P2RY1: variants seen among roughly 807,000 people sequenced by gnomAD.
The protein encoded by P2RY1 is purinergic receptor P2Y1, also known as P2Y purinoceptor 1.
A neutral mutation model predicts 22.8 loss-of-function variants in P2RY1; 14 were observed. The ratio of observed to expected loss-of-function variants is 0.61; its 90% CI spans 0.41 to 0.96. The LOEUF (loss-of-function observed/expected upper bound fraction) is 0.96, where lower values mean the gene tolerates loss of function less well. P2RY1 is among the 40% of genes least tolerant of loss of function. P2RY1 has a pLI of 0.00. For missense variants in P2RY1, 395 were observed against 470.3 expected, an observed-to-expected ratio of 0.84 and a Z score of 1.48; for synonymous variants, 200 against 195.1, an observed-to-expected ratio of 1.03 and a Z score of -0.21.
Position 152,835,425 on chromosome 3 carries a change from C to G in P2RY1, c.-358C>G, listed in dbSNP as rs964409771. ...AGTTTCCCTTGACCTCGCTGCGCCT[C>G]TGGCGCGCTCTGCAGCGCGGACCCG... On this transcript the variant is annotated 5_prime_UTR_variant, in exon 1 of 1. Coordinates refer to ENST00000305097, the MANE Select transcript of P2RY1 (RefSeq NM_002563.5). The G allele has an allele frequency of 6.6e-5, 19 of 289,206 alleles. No homozygotes were observed. Among genetic ancestry groups the G allele is most frequent in the Admixed American group, 3.5e-4 (7 of 20,078 alleles). 17.9% of individuals were successfully genotyped at this position (289,206 alleles called of 1,614,324 possible). A position where few individuals can be genotyped will look rare whatever the true frequency, so the allele number is the denominator to read the frequency against.
Position 152,836,493 on chromosome 3 carries a change from C to T in P2RY1, c.711C>T (p.Tyr237=), listed in dbSNP as rs748490359. ...CVPLVLILGC[Y]GLIVRALIYK... ...CCTTGGTGCTGATTCTGGGCTGTTACGGATTAATTGTGAGAGCTTTGATTT... is the reference window on the plus strand; with the variant it reads ...CCTTGGTGCTGATTCTGGGCTGTTATGGATTAATTGTGAGAGCTTTGATTT... The change falls in exon 1 of 1, where the codon TAC becomes TAT. Residue 237 remains tyrosine, a synonymous_variant. Coordinates refer to ENST00000305097, the MANE Select transcript of P2RY1 (RefSeq NM_002563.5). This position sits in a 1 kb window ranked among gnomAD's most constrained non-coding sequence, Gnocchi z 5.6. The T allele has an allele frequency of 5.6e-6, 9 of 1,614,070 alleles. No homozygotes were observed. Among genetic ancestry groups the T allele is most frequent in the African/African-American group, 5.3e-5 (4 of 74,920 alleles).
chr3:152,840,107 C>T lies in P2RY1; in HGVS notation c.*3203C>T, dbSNP rs919869390. On this transcript the variant is annotated 3_prime_UTR_variant, in exon 1 of 1. Coordinates refer to ENST00000305097, the MANE Select transcript of P2RY1 (RefSeq NM_002563.5). Reference sequence around the variant, plus strand: ...GACTGAAAAACTTTCATGAAAGATCCAACATACTAATGTAAATTATATTTA... The same window carrying T: ...GACTGAAAAACTTTCATGAAAGATCTAACATACTAATGTAAATTATATTTA... 6 of 152,170 alleles carry T rather than the reference C, an allele frequency of 3.9e-5. No individual in the cohort carries two copies. In the East Asian group the frequency reaches 1.2e-3, roughly 29 times the overall value. The allele number at this position is 152,170 out of a possible 1,614,324, so 9.4% of individuals were successfully genotyped here.
Position 152,835,584 on chromosome 3 carries a change from G to C in P2RY1, c.-199G>C, listed in dbSNP as rs1171329500. 1 of 570,328 alleles carries C rather than the reference G, an allele frequency of 1.8e-6. No homozygotes were observed. The highest frequency in any genetic ancestry group is 2.0e-5 in the African/African-American group (1 of 50,238). 35.3% of individuals were successfully genotyped at this position (570,328 alleles called of 1,614,324 possible). A position where few individuals can be genotyped will look rare whatever the true frequency, so the allele number is the denominator to read the frequency against. The stretch of plus-strand genomic sequence containing the variant: ...ATAGCCCAGTTCGGTGGCGGCCCGG[G>C]GCGGATTTCATGGCCCGCGGCGAAC... On this transcript the variant is annotated 5_prime_UTR_variant, in exon 1 of 1. Transcript: ENST00000305097.
chr3:152,841,036 G>A lies in P2RY1; in HGVS notation c.*4132G>A, dbSNP rs1238684869. 6.6e-6 allele frequency: 1 copy of A among 151,982 alleles called. No individual in the cohort carries two copies. The highest frequency in any genetic ancestry group is 6.6e-5 in the Admixed American group (1 of 15,248). The allele number at this position is 151,982 out of a possible 1,614,324, so 9.4% of individuals were successfully genotyped here. Reference sequence around the variant, plus strand: ...AAATGTTTATTTTTATATTATCTGTGATTTTAATATAGATGATTGAACTAG... The same window carrying A: ...AAATGTTTATTTTTATATTATCTGTAATTTTAATATAGATGATTGAACTAG... On this transcript the variant is annotated 3_prime_UTR_variant, in exon 1 of 1. Coordinates refer to ENST00000305097, the MANE Select transcript of P2RY1 (RefSeq NM_002563.5).
At position 152,840,407 on chromosome 3, in the gene P2RY1, A is replaced by G. The variant is rs1467349851; in HGVS notation, c.*3503A>G. 6.6e-6 allele frequency: 1 copy of G among 152,194 alleles called. No homozygotes were observed. Among genetic ancestry groups the G allele is most frequent in the Non-Finnish European group, 1.5e-5 (1 of 68,024 alleles). The allele number at this position is 152,194 out of a possible 1,614,324, so 9.4% of individuals were successfully genotyped here. ...CTATCATAAGATCGATAGTGAATAT[A>G]AAATATCTTAGCCAAATGGGGTCTG... is the stretch of plus-strand genomic sequence containing the variant. On this transcript the variant is annotated 3_prime_UTR_variant, in exon 1 of 1. Transcript: ENST00000305097.
chr3:152,836,495 G>T lies in P2RY1; in HGVS notation c.713G>T (p.Gly238Val). ...VPLVLILGCYGLIVRALIYKD... is the reference protein window; with the variant it reads ...VPLVLILGCYVLIVRALIYKD... Reference sequence around the variant, plus strand: ...TTGGTGCTGATTCTGGGCTGTTACGGATTAATTGTGAGAGCTTTGATTTAC... The same window carrying T: ...TTGGTGCTGATTCTGGGCTGTTACGTATTAATTGTGAGAGCTTTGATTTAC... The change falls in exon 1 of 1, where the codon GGA becomes GTA. Residue 238 changes from glycine to valine, a missense_variant. Coordinates refer to ENST00000305097, the MANE Select transcript of P2RY1 (RefSeq NM_002563.5). The surrounding 1 kb of genome is among the most constrained non-coding windows in gnomAD (Gnocchi z 5.6). 2.5e-6 allele frequency: 4 copies of T among 1,614,188 alleles called. No individual in the cohort carries two copies. The highest frequency in any genetic ancestry group is 3.4e-6 in the Non-Finnish European group (4 of 1,180,026).
rs922858202 is a variant in P2RY1, at chr3:152,835,434, T to C, written c.-349T>C. 5 of 303,584 alleles carry C rather than the reference T, an allele frequency of 1.6e-5. No homozygotes were observed. The highest frequency in any genetic ancestry group is 2.4e-5 in the Non-Finnish European group (4 of 164,710). The allele number at this position is 303,584 out of a possible 1,614,324, so 18.8% of individuals were successfully genotyped here. A position where few individuals can be genotyped will look rare whatever the true frequency, so the allele number is the denominator to read the frequency against. ...TGACCTCGCTGCGCCTCTGGCGCGCTCTGCAGCGCGGACCCGCGGCCCCTC... is the reference window on the plus strand; with the variant it reads ...TGACCTCGCTGCGCCTCTGGCGCGCCCTGCAGCGCGGACCCGCGGCCCCTC... On this transcript the variant is annotated 5_prime_UTR_variant, in exon 1 of 1. Transcript: ENST00000305097.
At position 152,835,874 on chromosome 3, in the gene P2RY1, C is replaced by T; in HGVS notation, c.92C>T (p.Ala31Val). ...PGSSWGNSTV[A>V]STAAVSSSFK... ...TCGTCCTGGGGGAACAGCACGGTCG[C>T]CTCCACTGCCGCCGTCTCCTCGTCG... Residue 31 changes from alanine (A) to valine (V), a missense_variant, in exon 1 of 1, where the codon GCC (alanine) becomes GTC (valine). This residue lies in a region of P2RY1 where 98 missense variants were observed against 87.7 expected (regional missense o/e 1.12). Transcript: ENST00000305097. 6.2e-7 allele frequency: 1 copy of T among 1,613,856 alleles called. No individual in the cohort carries two copies. Among genetic ancestry groups the T allele is most frequent in the South Asian group, 1.1e-5 (1 of 91,066 alleles).
Position 152,836,112 on chromosome 3 carries a change from C to G in P2RY1, c.330C>G (p.Tyr110Ter). Reference sequence around the variant, plus strand: ...TGACTCTGCCAGCCCTGATCTTCTACTACTTCAATAAAACAGACTGGATCT... The same window carrying G: ...TGACTCTGCCAGCCCTGATCTTCTAGTACTTCAATAAAACAGACTGGATCT... ...YVLTLPALIF[Y>*]YFNKTDWIFG... is the part of the protein sequence containing the mutation. Residue 110 changes from tyrosine (Y) to a stop codon, truncating the protein, a stop_gained, in exon 1 of 1, where the codon TAC becomes TAG. Transcript: ENST00000305097. LOFTEE classifies it high-confidence loss of function. The surrounding 1 kb of genome is among the most constrained non-coding windows in gnomAD (Gnocchi z 5.6). The G allele has an allele frequency of 6.2e-7, 1 of 1,614,178 alleles. No individual in the cohort carries two copies. The highest frequency in any genetic ancestry group is 2.2e-5 in the East Asian group (1 of 44,882).
Position 152,836,305 on chromosome 3 carries a change from G to C in P2RY1, c.523G>C (p.Val175Leu). 6.2e-7 allele frequency: 1 copy of C among 1,614,138 alleles called. No homozygotes were observed. The highest frequency in any genetic ancestry group is 8.5e-7 in the Non-Finnish European group (1 of 1,180,040). ...KKNAICISVL[V>L]WLIVVVAISP... ...GAATGCGATCTGTATCAGCGTGCTG[G>C]TGTGGCTCATTGTGGTGGTGGCGAT... Residue 175 changes from valine (V) to leucine (L), a missense_variant, in exon 1 of 1, where the codon GTG becomes CTG. This residue lies in a region of P2RY1 where 291 missense variants were observed against 361.6 expected (regional missense o/e 0.80). Coordinates refer to ENST00000305097, the MANE Select transcript of P2RY1 (RefSeq NM_002563.5). The surrounding 1 kb of genome is among the most constrained non-coding windows in gnomAD (Gnocchi z 5.6).
At position 152,836,955 on chromosome 3, in the gene P2RY1, A is replaced by G; in HGVS notation, c.*51A>G. ...TCTGTTGTAATATGGTAGGATGCTT[A>G]ACAGAATCAAGTACTTTTCCCCTCT... On this transcript the variant is annotated 3_prime_UTR_variant, in exon 1 of 1. Coordinates refer to ENST00000305097, the MANE Select transcript of P2RY1 (RefSeq NM_002563.5). This position sits in a 1 kb window ranked among gnomAD's most constrained non-coding sequence, Gnocchi z 5.6. 1 of 1,397,932 alleles carries G rather than the reference A, an allele frequency of 7.2e-7. No individual in the cohort carries two copies. Among genetic ancestry groups the G allele is most frequent in the Non-Finnish European group, 9.8e-7 (1 of 1,022,324 alleles). 86.6% of individuals were successfully genotyped at this position (1,397,932 alleles called of 1,614,324 possible). A position where few individuals can be genotyped will look rare whatever the true frequency, so the allele number is the denominator to read the frequency against.
In P2RY1 at chr3:152,839,836, C is replaced by T. The variant is rs187386914; in HGVS notation, c.*2932C>T. On this transcript the variant is annotated 3_prime_UTR_variant, in exon 1 of 1. Transcript: ENST00000305097. ...CATTCCACTCCTTGGCTAAAAAAAT[C>T]TTGGAAGTTTCACAGATTATGATGT... is the stretch of plus-strand genomic sequence containing the variant. 1 of 152,096 alleles carries T rather than the reference C, an allele frequency of 6.6e-6. No individual in the cohort carries two copies. The highest frequency in any genetic ancestry group is 2.4e-5 in the African/African-American group (1 of 41,408). 9.4% of individuals were successfully genotyped at this position (152,096 alleles called of 1,614,324 possible).
chr3:152,836,477 T>A lies in P2RY1; in HGVS notation c.695T>A (p.Leu232Gln). ...GCCATGTTCTGTGTCCCCTTGGTGC[T>A]GATTCTGGGCTGTTACGGATTAATT... ...TVAMFCVPLVLILGCYGLIVR... is the reference protein window; with the variant it reads ...TVAMFCVPLVQILGCYGLIVR... The change falls in exon 1 of 1, where the codon CTG becomes CAG. Residue 232 changes from leucine (L) to glutamine (Q), a missense_variant. This residue lies in a region of P2RY1 where 291 missense variants were observed against 361.6 expected (regional missense o/e 0.80). Transcript: ENST00000305097. This position sits in a 1 kb window ranked among gnomAD's most constrained non-coding sequence, Gnocchi z 5.6. 2 of 1,614,224 alleles carry A rather than the reference T, an allele frequency of 1.2e-6. No homozygotes were observed. The highest frequency in any genetic ancestry group is 1.7e-6 in the Non-Finnish European group (2 of 1,180,044).
Position 152,836,964 on chromosome 3 carries a change from A to G in P2RY1, c.*60A>G. Reference sequence around the variant, plus strand: ...ATATGGTAGGATGCTTAACAGAATCAAGTACTTTTCCCCTCTTTAACTTTC... The same window carrying G: ...ATATGGTAGGATGCTTAACAGAATCGAGTACTTTTCCCCTCTTTAACTTTC... On this transcript the variant is annotated 3_prime_UTR_variant, in exon 1 of 1. Transcript: ENST00000305097. The surrounding 1 kb of genome is among the most constrained non-coding windows in gnomAD (Gnocchi z 5.6). The G allele has an allele frequency of 6.7e-6, 9 of 1,338,008 alleles. No homozygotes were observed. In the South Asian group the frequency reaches 1.1e-4, roughly 17 times the overall value. 82.9% of individuals were successfully genotyped at this position (1,338,008 alleles called of 1,614,324 possible). A position where few individuals can be genotyped will look rare whatever the true frequency, so the allele number is the denominator to read the frequency against.
chr3:152,835,207 A>G lies in P2RY1; in HGVS notation c.-576A>G, dbSNP rs1052571957. On this transcript the variant is annotated 5_prime_UTR_variant, in exon 1 of 1. Coordinates refer to ENST00000305097, the MANE Select transcript of P2RY1 (RefSeq NM_002563.5). ...CGAACGGGACGCGCTGCAGAAGCGC[A>G]CGAGTCTGCGGCCACGCGCGCTCCG... is the stretch of plus-strand genomic sequence containing the variant. 6.5e-6 allele frequency: 1 copy of G among 152,870 alleles called. No individual in the cohort carries two copies. Among genetic ancestry groups the G allele is most frequent in the Non-Finnish European group, 1.5e-5 (1 of 68,604 alleles). The allele number at this position is 152,870 out of a possible 1,614,324, so 9.5% of individuals were successfully genotyped here.
In P2RY1 at chr3:152,835,866, C is replaced by G. The variant is rs749790489; in HGVS notation, c.84C>G (p.Ser28Arg). The change falls in exon 1 of 1, where the codon AGC becomes AGG. Residue 28 changes from serine (S) to arginine (R), a missense_variant. Physicochemically the swap from Ser to Arg is moderately radical, Grantham distance 110. Around this residue, in one of 3 missense-constraint regions of P2RY1, gnomAD observed 98 missense variants for 87.7 expected, o/e 1.12. Transcript: ENST00000305097. ...GTCCGGGTTCGTCCTGGGGGAACAG[C>G]ACGGTCGCCTCCACTGCCGCCGTCT... ...LAGPGSSWGN[S>R]TVASTAAVSS... 1 of 1,613,622 alleles carries G rather than the reference C, an allele frequency of 6.2e-7. No homozygotes were observed. Among genetic ancestry groups the G allele is most frequent in the Middle Eastern group, 1.7e-4 (1 of 5,806 alleles).
Position 152,839,980 on chromosome 3 carries a change from T to G in P2RY1, c.*3076T>G, listed in dbSNP as rs1426982343. 6.6e-6 allele frequency: 1 copy of G among 152,228 alleles called. No homozygotes were observed. The highest frequency in any genetic ancestry group is 6.5e-5 in the Admixed American group (1 of 15,288). The allele number at this position is 152,228 out of a possible 1,614,324, so 9.4% of individuals were successfully genotyped here. On this transcript the variant is annotated 3_prime_UTR_variant, in exon 1 of 1. Transcript: ENST00000305097. ...TTTGGCTAGTGACAATGTTTAAAGA[T>G]GTAATACTAGTTAGTATCTATTGAA...
In P2RY1 at chr3:152,838,869, G is replaced by A. The variant is rs1422434728; in HGVS notation, c.*1965G>A. ...ACTTCATCAGGCTCAAATAACATCC[G>A]TTTTAGATTCCTACAAGACAAAATC... On this transcript the variant is annotated 3_prime_UTR_variant, in exon 1 of 1. Transcript: ENST00000305097. 6.6e-6 allele frequency: 1 copy of A among 152,096 alleles called. No individual in the cohort carries two copies. Among genetic ancestry groups the A allele is most frequent in the Non-Finnish European group, 1.5e-5 (1 of 68,000 alleles). 9.4% of individuals were successfully genotyped at this position (152,096 alleles called of 1,614,324 possible). A position where few individuals can be genotyped will look rare whatever the true frequency, so the allele number is the denominator to read the frequency against.
rs1716126092 is a variant in P2RY1, at chr3:152,835,505, C to T, written c.-278C>T. 1.1e-5 allele frequency: 5 copies of T among 463,802 alleles called. No individual in the cohort carries two copies. The highest frequency in any genetic ancestry group is 1.9e-5 in the Non-Finnish European group (5 of 263,418). 28.7% of individuals were successfully genotyped at this position (463,802 alleles called of 1,614,324 possible). On this transcript the variant is annotated 5_prime_UTR_variant, in exon 1 of 1. Transcript: ENST00000305097. ...TTATCCGCGGCGGTTCCCTGCGCGCCCTGTTGTGTAAGCTCGGCGTTGCCA... is the reference window on the plus strand; with the variant it reads ...TTATCCGCGGCGGTTCCCTGCGCGCTCTGTTGTGTAAGCTCGGCGTTGCCA...
Sources: allele counts gnomAD v4.1 joint callset, GRCh38; gene constraint gnomAD v4.1.1; regional missense constraint gnomAD v4.1.1; non-coding constraint Gnocchi (gnomAD v3.1); transcripts MANE v1.5; gene names NCBI Gene and HGNC (gene_info 2026-07-23, HGNC 2026-07-21).